Variants in SAMD12 observed in about 807,000 individuals in gnomAD.
SAMD12 encodes sterile alpha motif domain containing 12.
Under a neutral mutation model 15.0 loss-of-function variants are expected in SAMD12, and 9 were observed. That is an observed-to-expected ratio of 0.60 (90% confidence interval 0.36 to 1.05). The LOEUF (loss-of-function observed/expected upper bound fraction) is 1.05, where lower values mean the gene tolerates loss of function less well. SAMD12 is among the 50% of genes least tolerant of loss of function. The pLI is 0.01. For missense variants in SAMD12, 230 were observed against 234.2 expected (o/e 0.98, Z 0.12); for synonymous variants, 86 against 90.1 (o/e 0.96, Z 0.25).
intron 3 of SAMD12, among the ~76,000 whole-genome samples, chr8:118,396,846 C>A (rs565536973): frequency 6.6e-6 from 1 of 152,270 alleles, no homozygotes; most frequent in African/African-American, 2.4e-5. Flanking sequence ...ATGGTGGTTT[C>A]TACTAGAGAG....
At chr8:118,366,294 C>A (rs139338998) in intron 4 of SAMD12, among the ~76,000 whole-genome samples, 1 of 152,188 alleles carries the variant, frequency 6.6e-6, no homozygotes, top group Admixed American at 6.6e-5. Context: ...GGATACCCTT[C>A]CTATATGACA....
intron 2 of SAMD12, among the ~76,000 whole-genome samples, chr8:118,520,599 T>A (rs1825362766): frequency 6.6e-6 from 1 of 152,156 alleles, no homozygotes; most frequent in African/African-American, 2.4e-5. Context: ...AGATACAGGC[T>A]CTCAATGGCA....
chr8:118,585,816 G>GT, intron 1 of SAMD12, among the ~76,000 whole-genome samples: 1 of 152,272 alleles, frequency 6.6e-6, no homozygotes, highest in South Asian at 2.1e-4. Context: ...TGTGATTTAG[G>GT]TGACAGTAAC....
intron 3 of SAMD12, among the ~76,000 whole-genome samples, chr8:118,436,840 T>C (rs1822588115): frequency 1.3e-5 from 2 of 152,212 alleles, no homozygotes; most frequent in South Asian, 4.1e-4. Flanking sequence ...GCAGCTCACA[T>C]GCGCTGTATG....
chr8:118,283,831 G>C (rs1384603907), intron 4 of SAMD12, among the ~76,000 whole-genome samples: 1 of 152,186 alleles, frequency 6.6e-6, no homozygotes, highest in Non-Finnish European at 1.5e-5. Context: ...GGGAACTTGG[G>C]CTTGAAGAGT....
At position 118,265,161 on chromosome 8, in the gene SAMD12, AC is replaced by A. The variant is rs1343125979; in HGVS notation, c.434-67430del. ...GGCTAATTGGTTAGGACTTGGCCAG[AC>A]AGCTCCAGGTGGCTAATTGGTAAAG... On this transcript the variant is annotated intron_variant, in intron 4 of 4. Transcript: ENST00000409003. Among the ~76,000 whole-genome samples the A allele has an allele frequency of 2.0e-5, 3 of 152,290 alleles. No homozygotes were observed. In the South Asian group the frequency reaches 6.2e-4, roughly 32 times the overall value.
intron 2 of SAMD12, among the ~76,000 whole-genome samples, chr8:118,564,087 G>A (rs1266168907): frequency 6.6e-6 from 1 of 152,196 alleles, no homozygotes; most frequent in Non-Finnish European, 1.5e-5. Context: ...GAAAGTTGAT[G>A]TGTAAATGGT....
chr8:118,445,835 GA>G (rs1358116547), intron 2 of SAMD12, among the ~76,000 whole-genome samples: 2 of 152,150 alleles, frequency 1.3e-5, no homozygotes, highest in African/African-American at 2.4e-5. Context: ...TAACTTTTCT[GA>G]ACATATAGTG....
rs117689756 is a variant in SAMD12, at chr8:118,214,855, G to C, written c.434-17123C>G. Reference sequence around the variant, plus strand: ...AGGAGAGGGTGCCTTAGAGCGCATGGATGTAATAAACTAGAAAGGAGAATA... The same window carrying C: ...AGGAGAGGGTGCCTTAGAGCGCATGCATGTAATAAACTAGAAAGGAGAATA... On this transcript the variant is annotated intron_variant, in intron 4 of 4. Transcript: ENST00000409003. Among the ~76,000 whole-genome samples, 196 of 152,294 alleles carry C rather than the reference G, an allele frequency of 1.3e-3. 2 individuals carry two copies. Among genetic ancestry groups the C allele is most frequent in the Middle Eastern group, 3.4e-3 (1 of 294 alleles).
intron 1 of SAMD12, among the ~76,000 whole-genome samples, chr8:118,591,178 C>T (rs189136178): frequency 6.6e-6 from 1 of 152,140 alleles, no homozygotes; most frequent in Admixed American, 6.5e-5. Context: ...ATAAATTAAT[C>T]TCAAAAATAC....
chr8:118,616,769 G>A (rs1364371487), intron 1 of SAMD12, among the ~76,000 whole-genome samples: 1 of 152,176 alleles, frequency 6.6e-6, no homozygotes, highest in African/African-American at 2.4e-5. Context: ...GGCCTATTAG[G>A]AACCACACCG....
intron 2 of SAMD12, among the ~76,000 whole-genome samples, chr8:118,513,391 C>A (rs1175507068): frequency 2.6e-5 from 4 of 152,146 alleles, no homozygotes; most frequent in Non-Finnish European, 5.9e-5. Context: ...GTGGGGATTG[C>A]AAAGGCCAAC....
chr8:118,499,054 C>T (rs946552621), intron 2 of SAMD12, among the ~76,000 whole-genome samples: 13 of 152,158 alleles, frequency 8.5e-5, no homozygotes, highest in African/African-American at 3.1e-4. Flanking sequence ...ATGAACAACC[C>T]CCACATCTGT....
At chr8:118,486,289 G>A (rs1586755943) in intron 2 of SAMD12, among the ~76,000 whole-genome samples, 4 of 152,078 alleles carry the variant, frequency 2.6e-5, no homozygotes, top group South Asian at 4.2e-4. Context: ...AGTGGTGGGC[G>A]CCTGTAGTCC....
downstream of SAMD12, among the ~76,000 whole-genome samples, chr8:118,376,022 T>C (rs1037131251): frequency 2.6e-5 from 4 of 152,150 alleles, no homozygotes; most frequent in African/African-American, 9.7e-5. Flanking sequence ...TTCATTCTCG[T>C]ATTTGTAGCT....
intron 4 of SAMD12, among the ~76,000 whole-genome samples, chr8:118,218,385 C>G (rs931657371): frequency 1.3e-5 from 2 of 152,082 alleles, no homozygotes; most frequent in African/African-American, 4.8e-5. Context: ...GCTTTTTGTG[C>G]TGAGAACATT....
chr8:118,218,326 T>G (rs983041140), intron 4 of SAMD12, among the ~76,000 whole-genome samples: 4 of 152,204 alleles, frequency 2.6e-5, no homozygotes, highest in Admixed American at 2.6e-4. Flanking sequence ...TATATAATTG[T>G]GAGATGAGTA....
intron 4 of SAMD12, among the ~76,000 whole-genome samples, chr8:118,280,807 G>T (rs1394236568): frequency 6.6e-6 from 1 of 152,076 alleles, no homozygotes; most frequent in Admixed American, 6.6e-5. Context: ...ATTTTGGTGG[G>T]GGAGCTTCTC....
At chr8:118,269,547 C>T (rs72675858) in intron 4 of SAMD12, among the ~76,000 whole-genome samples, 10,758 of 152,162 alleles carry the variant, frequency 0.071, 499 homozygotes, top group Non-Finnish European at 0.11. Flanking sequence ...TTCCATAGAG[C>T]ATTGCCTTCT....
Sources: allele counts gnomAD v4.1 joint callset (sites outside exome capture counted in the v4.1 genomes callset), GRCh38; gene constraint gnomAD v4.1.1; transcripts MANE v1.5; gene names NCBI Gene and HGNC (gene_info 2026-07-23, HGNC 2026-07-21).